CEP164: variants seen among roughly 807,000 people sequenced by gnomAD.
CEP164 encodes centrosomal protein of 164 kDa.
Under a neutral mutation model 182.7 loss-of-function variants are expected in CEP164, and 162 were observed. The observed-to-expected ratio is 0.89, with a 90% CI of 0.78 to 1.01. The LOEUF (loss-of-function observed/expected upper bound fraction) is 1.01. CEP164 is among the 50% of genes least tolerant of loss of function. The probability of loss-of-function intolerance (pLI) is 0.00; values close to 1 mark genes in which losing one functional copy is unlikely to be tolerated. For synonymous variants in CEP164, 661 were observed against 690.0 expected (o/e 0.96, Z 0.66); for missense variants, 1,735 against 1,790.4 (o/e 0.97, Z 0.56).
intron 4 of CEP164, among the ~76,000 whole-genome samples, chr11:117,347,198 T>G (rs1198169727): frequency 2.0e-5 from 3 of 152,208 alleles, no homozygotes; most frequent in Non-Finnish European, 4.4e-5. Flanking sequence ...CATTTAGATA[T>G]TTTCCTAATT....
intron 27 of CEP164, among the ~76,000 whole-genome samples, chr11:117,399,123 T>C (rs187176893): frequency 6.6e-6 from 1 of 152,316 alleles, no homozygotes; most frequent in Admixed American, 6.5e-5. Context: ...CTCCTAATGC[T>C]ATCCCTCCCC....
Position 117,394,382 on chromosome 11 carries a change from C to T in CEP164, c.2649C>T (p.His883=), listed in dbSNP as rs1469941341. The T allele has an allele frequency of 4.3e-6, 7 of 1,609,374 alleles. No individual in the cohort carries two copies. In the East Asian group the frequency reaches 1.3e-4, roughly 31 times the overall value. The part of the protein sequence containing the change: ...ERKQRAELLG[H]LTGELERLQR... ...AGCAGCGGGCTGAGCTTCTGGGGCA[C>T]CTGACCGGAGAGCTGGAGCGCCTGC... Residue 883 remains histidine (H), a synonymous_variant, in exon 21 of 33, where the codon CAC becomes CAT. Coordinates refer to ENST00000278935, the MANE Select transcript of CEP164 (RefSeq NM_014956.5). The surrounding 1 kb of genome is among the most constrained non-coding windows in gnomAD (Gnocchi z 4.0).
At chr11:117,351,724 C>G (rs2039652632) in intron 4 of CEP164, 66 bp from the exon 5 acceptor site, 1 of 1,472,982 alleles carries the variant, frequency 6.8e-7, no homozygotes, top group East Asian at 2.3e-5. Context: ...TCTTTTTTTC[C>G]CCTCTTTTTT....
chr11:117,404,841 G>A (rs2046500202), intron 27 of CEP164, among the ~76,000 whole-genome samples: 1 of 152,222 alleles, frequency 6.6e-6, no homozygotes, highest in African/African-American at 2.4e-5. Context: ...TTCTTTCAGA[G>A]ATGGCCTGAC....
intron 1 of CEP164, among the ~76,000 whole-genome samples, chr11:117,328,969 C>A (rs975500439): frequency 4.6e-5 from 7 of 152,242 alleles, no homozygotes; most frequent in Admixed American, 3.3e-4. Context: ...TCCTTTCCAT[C>A]CTCACAGACA....
At position 117,395,534 on chromosome 11, in the gene CEP164, C is replaced by A. The variant is rs370773217; in HGVS notation, c.2914-13C>A. The A allele has an allele frequency of 6.2e-7, 1 of 1,602,260 alleles. No individual in the cohort carries two copies. On this transcript the variant is annotated splice_polypyrimidine_tract_variant and intron_variant, in intron 23 of 32. Coordinates refer to ENST00000278935, the MANE Select transcript of CEP164 (RefSeq NM_014956.5). ...CTGTCTCTGGGTGCTTCTATCTTTC[C>A]TTTTGCCCCTAGGAAGCCACAGCCA...
intron 23 of CEP164, 130 bp from the exon 24 acceptor site, chr11:117,395,417 G>C: frequency 9.0e-7 from 1 of 1,110,224 alleles, no homozygotes; most frequent in Non-Finnish European, 1.3e-6. Flanking sequence ...CCTCAGAGGT[G>C]GTGACTTCAG....
chr11:117,400,039 T>C (rs1203345349), intron 27 of CEP164, among the ~76,000 whole-genome samples: 9 of 152,240 alleles, frequency 5.9e-5, no homozygotes, highest in Admixed American at 5.9e-4. Context: ...GCTTTTGGTG[T>C]GTAGTCATGA....
intron 5 of CEP164, 58 bp from the exon 6 acceptor site, chr11:117,361,777 G>C: frequency 6.3e-7 from 1 of 1,587,308 alleles, no homozygotes; most frequent in Middle Eastern, 1.8e-4. Flanking sequence ...ATCTGTCTCC[G>C]ACACTCCCAG....
At chr11:117,385,531 A>G (rs1358071848) in intron 14 of CEP164, 1 of 152,272 alleles carries the variant, frequency 6.6e-6, no homozygotes, top group Non-Finnish European at 1.5e-5. Context: ...CCACAGCATT[A>G]TCCCTAGGGC....
chr11:117,342,352 C>T (rs2038244582), intron 3 of CEP164, among the ~76,000 whole-genome samples: 1 of 152,172 alleles, frequency 6.6e-6, no homozygotes, highest in African/African-American at 2.4e-5. Context: ...ATTGGTGATG[C>T]CCTTCTGGCC....
At chr11:117,327,727 A>C (rs1393498277), upstream of CEP164, 5 of 152,250 alleles carry the variant, frequency 3.3e-5, no homozygotes, top group East Asian at 9.6e-4. Context: ...GAAAACGGAC[A>C]GAGCTCCTGC....
chr11:117,329,036 C>G (rs554633100), intron 1 of CEP164, among the ~76,000 whole-genome samples: 18 of 152,350 alleles, frequency 1.2e-4, no homozygotes, highest in African/African-American at 4.3e-4. Context: ...TAAGTGGTCT[C>G]TCTGCCTCAG....
intron 17 of CEP164, 145 bp downstream of exon 17, chr11:117,391,360 G>C (rs917585119): frequency 1.4e-6 from 1 of 719,034 alleles, no homozygotes; most frequent in East Asian, 2.7e-5. Context: ...CACACACACA[G>C]GCATGGGAGA....
In CEP164 at chr11:117,413,046, T is replaced by C. The variant is rs2047504300; in HGVS notation, c.*878T>C. 1 of 152,246 alleles carries C rather than the reference T, an allele frequency of 6.6e-6. No individual in the cohort carries two copies. The highest frequency in any genetic ancestry group is 6.5e-5 in the Admixed American group (1 of 15,288). 9.4% of individuals were successfully genotyped at this position (152,246 alleles called of 1,614,324 possible). ...TCTACCTGTGCCACCCCTGCCCTGA[T>C]TCCACGGCTGCCTCAGGCAGGCAGG... On this transcript the variant is annotated 3_prime_UTR_variant, in exon 33 of 33. Coordinates refer to ENST00000278935, the MANE Select transcript of CEP164 (RefSeq NM_014956.5).
At chr11:117,349,849 A>G (rs2039397332) in intron 4 of CEP164, among the ~76,000 whole-genome samples, 1 of 152,142 alleles carries the variant, frequency 6.6e-6, no homozygotes, top group Admixed American at 6.5e-5. Flanking sequence ...ATCTCGGCTC[A>G]CTGCAACCTT....
At chr11:117,345,914 T>A (rs928344802) in intron 4 of CEP164, among the ~76,000 whole-genome samples, 1 of 152,194 alleles carries the variant, frequency 6.6e-6, no homozygotes, top group African/African-American at 2.4e-5. Context: ...CTCAAACTCC[T>A]GACCTCAGGT....
At chr11:117,375,587 G>T in intron 10 of CEP164, 121 bp from the exon 11 acceptor site, 1 of 725,466 alleles carries the variant, frequency 1.4e-6, no homozygotes, top group Non-Finnish European at 2.5e-6. Context: ...GAAATGTTTG[G>T]CACAGAGCTG....
rs755796290 is a variant in CEP164 at position 117,392,249 on chromosome 11, GCA to G, written c.2310_2311del (p.His770GlnfsTer3). The G allele has an allele frequency of 1.9e-6, 3 of 1,610,286 alleles. No individual in the cohort carries two copies. In the African/African-American group the frequency reaches 4.0e-5, roughly 22 times the overall value. On this transcript the variant is annotated frameshift_variant, in exon 18 of 33. Transcript: ENST00000278935. LOFTEE classifies it high-confidence loss of function. ...KEAVATLEKE[H>X]SAELERLCSS... is the part of the protein sequence containing the mutation. ...AGGCTGTGGCAACGCTGGAGAAGGA[GCA>G]CAGTGCTGAGCTGGAGCGGCTCTGC...
Sources: allele counts gnomAD v4.1 joint callset (sites outside exome capture counted in the v4.1 genomes callset), GRCh38; gene constraint gnomAD v4.1.1; non-coding constraint Gnocchi (gnomAD v3.1); transcripts MANE v1.5; gene names NCBI Gene and HGNC (gene_info 2026-07-23, HGNC 2026-07-21).